The following TTC16 variants were observed in gnomAD, a reference collection of about 807,000 sequenced individuals.
TTC16 encodes the protein tetratricopeptide repeat domain 16.
TTC16 carries 66 observed loss-of-function variants against 80.4 expected under a neutral mutation model. That is an observed-to-expected ratio of 0.82 (90% CI 0.67 to 1.01). The LOEUF is 1.01. Among genes scored for constraint, TTC16 ranks in the 50% least tolerant of loss-of-function variants. The probability of loss-of-function intolerance (pLI) is 0.00; values close to 1 mark genes in which losing one functional copy is unlikely to be tolerated. For missense variants in TTC16, 1,070 were observed against 1,103.2 expected, an observed-to-expected ratio of 0.97 and a Z score of 0.43; for synonymous variants, 438 against 451.3, an observed-to-expected ratio of 0.97 and a Z score of 0.37.
chr9:127,724,940 G>C, intron 9 of TTC16, 43 bp downstream of exon 9: 1 of 1,443,698 alleles, frequency 6.9e-7, no homozygotes, highest in East Asian at 2.6e-5. Context: ...GCAGGCCCGA[G>C]GGCAGGGCGG....
Position 127,731,118 on chromosome 9 carries a change from C to T in TTC16, c.2335C>T (p.Arg779Cys), listed in dbSNP as rs778794717. 19 of 1,611,368 alleles carry T rather than the reference C, an allele frequency of 1.2e-5. No homozygotes were observed. In the Middle Eastern group the frequency reaches 4.9e-4, roughly 42 times the overall value. Residue 779 changes from arginine to cysteine, a missense_variant, in exon 14 of 14, where the codon CGT (arginine) becomes TGT (cysteine). By Grantham distance (180) the Arg-to-Cys change is radical (BLOSUM62 -3). Coordinates refer to ENST00000373289, the MANE Select transcript of TTC16 (RefSeq NM_144965.3). ...GAGGCCCAGAAAGGTCAAGGCTGCTCGTGGCCGGAGCTGGAGACCCAGCAA... is the reference window on the plus strand; with the variant it reads ...GAGGCCCAGAAAGGTCAAGGCTGCTTGTGGCCGGAGCTGGAGACCCAGCAA... The part of the protein sequence containing the change: ...RQRPRKVKAA[R>C]GRSWRPSKVD...
rs779096634 is a variant in TTC16, at chr9:127,717,690, C to T, written c.344C>T (p.Ala115Val). The stretch of plus-strand genomic sequence containing the variant: ...CAGCTCTGTGACTTCTCCTCGGCCG[C>T]CCAGAACCTGCGAAGGGCCTACTCA... ...YLQLCDFSSA[A>V]QNLRRAYSLQ... Residue 115 changes from alanine (A) to valine (V), a missense_variant, in exon 4 of 14, where the codon GCC becomes GTC. Physicochemically the swap from Ala to Val is moderately conservative, Grantham distance 64. Transcript: ENST00000373289. 6.2e-7 allele frequency: 1 copy of T among 1,614,026 alleles called. No individual in the cohort carries two copies. The highest frequency in any genetic ancestry group is 2.2e-5 in the East Asian group (1 of 44,884).
chr9:127,716,656 G>A, intron 1 of TTC16, 188 bp from the exon 2 acceptor site: 1 of 686,256 alleles, frequency 1.5e-6, no homozygotes, highest in Non-Finnish European at 2.4e-6. Flanking sequence ...GGGCAGGACT[G>A]CAGAGGGACA....
chr9:127,726,562 T>TG (rs1288165452), intron 10 of TTC16, among the ~76,000 whole-genome samples, 158 bp downstream of exon 10: 1 of 151,096 alleles, frequency 6.6e-6, no homozygotes, highest in Non-Finnish European at 1.5e-5. Flanking sequence ...CCAAGGCGGG[T>TG]GGATCACTTG....
At chr9:127,724,032 G>A (rs1588441051) in intron 7 of TTC16, 88 bp from the exon 8 acceptor site, 18 of 1,451,178 alleles carry the variant, frequency 1.2e-5, no homozygotes, top group African/African-American at 4.3e-5. Flanking sequence ...GCCCAGAGCC[G>A]GCAGTGGCTT....
rs925709847 is a variant in TTC16, at chr9:127,724,888, A to G, written c.1250A>G (p.Gln417Arg). ...LLQEKMGFCE[Q>R]RRKQFQKAEN... ...CAGGAGAAGATGGGCTTCTGCGAGC[A>G]GAGGCGCAAGTGCGTGGGCTCCCGC... The change falls in exon 9 of 14, where the codon CAG becomes CGG. Residue 417 changes from glutamine to arginine, a missense_variant. Transcript: ENST00000373289. The G allele has an allele frequency of 1.3e-6, 2 of 1,546,694 alleles. No homozygotes were observed. The highest frequency in any genetic ancestry group is 2.0e-5 in the Admixed American group (1 of 49,904).
In TTC16 at chr9:127,721,738, CTG is replaced by C. The variant is rs200689469; in HGVS notation, c.657+1345_657+1346del. ...GTTTTGTTTGAGACAGAGTCTCACTCTGTCACCTAGGCTGGAGTGCAGTGGCG... is the reference window on the plus strand; with the variant it reads ...GTTTTGTTTGAGACAGAGTCTCACTCTCACCTAGGCTGGAGTGCAGTGGCG... On this transcript the variant is annotated intron_variant, in intron 6 of 13. Coordinates refer to ENST00000373289, the MANE Select transcript of TTC16 (RefSeq NM_144965.3). Among the ~76,000 whole-genome samples the C allele has an allele frequency of 2.9e-3, 440 of 152,272 alleles. 12 individuals carry two copies. The East Asian group carries it at 0.065, about 22-fold the overall frequency.
Position 127,723,326 on chromosome 9 carries a change from C to T in TTC16, c.865C>T (p.Leu289Phe). Residue 289 changes from leucine to phenylalanine, a missense_variant, in exon 7 of 14, where the codon CTC becomes TTC. By Grantham distance (22) the Leu-to-Phe change is conservative. Transcript: ENST00000373289. ...CAACCCTCTGGACCCCAGTCTCTTC[C>T]TCTTCCGGTACTGCATGGGAAGGTG... ...ENNPLDPSLFLFRGTMYRRLQ... is the reference protein window; with the variant it reads ...ENNPLDPSLFFFRGTMYRRLQ... The T allele has an allele frequency of 6.2e-7, 1 of 1,612,594 alleles. No individual in the cohort carries two copies. Among genetic ancestry groups the T allele is most frequent in the Non-Finnish European group, 8.5e-7 (1 of 1,179,744 alleles).
chr9:127,724,229 C>T lies in TTC16; in HGVS notation c.982C>T (p.Arg328Cys), dbSNP rs1490553386. ...GGAGGACATGGTGCGGCAGGCACAG[C>T]GCCAGCTGTTGCTGACCTACAACGA... ...DQEDMVRQAQ[R>C]QLLLTYNDFA... Residue 328 changes from arginine to cysteine, a missense_variant, in exon 8 of 14, where the codon CGC (arginine) becomes TGC (cysteine). Physicochemically the swap from Arg to Cys is radical, Grantham distance 180. Coordinates refer to ENST00000373289, the MANE Select transcript of TTC16 (RefSeq NM_144965.3). 3.1e-6 allele frequency: 5 copies of T among 1,613,072 alleles called. No homozygotes were observed. Among genetic ancestry groups the T allele is most frequent in the East Asian group, 2.2e-5 (1 of 44,882 alleles).
At position 127,731,134 on chromosome 9, in the gene TTC16, G is replaced by A. The variant is rs771272723; in HGVS notation, c.2351G>A (p.Arg784Lys). The A allele has an allele frequency of 7.4e-6, 12 of 1,611,956 alleles. 1 individual carries two copies. In the South Asian group the frequency reaches 1.2e-4, roughly 16 times the overall value. Residue 784 changes from arginine to lysine, a missense_variant, in exon 14 of 14, where the codon AGA becomes AAA. Transcript: ENST00000373289. ...AAGGCTGCTCGTGGCCGGAGCTGGA[G>A]ACCCAGCAAGGTTGATGCCACCCAG... ...KVKAARGRSWRPSKVDATQGR... is the reference protein window; with the variant it reads ...KVKAARGRSWKPSKVDATQGR...
Position 127,731,321 on chromosome 9 carries a change from C to T in TTC16, c.2538C>T (p.Ser846=), listed in dbSNP as rs751493302. 1.9e-6 allele frequency: 3 copies of T among 1,612,994 alleles called. No homozygotes were observed. Among genetic ancestry groups the T allele is most frequent in the African/African-American group, 2.7e-5 (2 of 74,940 alleles). ...GKSQGMSSTS[S]KAESTWGPSP... is the part of the protein sequence containing the mutation. ...GCCAGGGCATGAGCTCAACTTCCAG[C>T]AAGGCCGAGTCCACCTGGGGACCCA... Residue 846 remains serine, a synonymous_variant, in exon 14 of 14, where the codon AGC becomes AGT. Transcript: ENST00000373289.
At position 127,721,793 on chromosome 9, in the gene TTC16, G is replaced by A. The variant is rs555468140; in HGVS notation, c.658-1326G>A. On this transcript the variant is annotated intron_variant, in intron 6 of 13. Coordinates refer to ENST00000373289, the MANE Select transcript of TTC16 (RefSeq NM_144965.3). ...ATCTCGGCTCACCACAACCTCTACC[G>A]GGAGGTTCAGGCAATTCTCATGCCT... 9.2e-5 allele frequency among the ~76,000 whole-genome samples: 14 copies of A among 152,064 alleles called. 1 individual carries two copies. Among genetic ancestry groups the A allele is most frequent in the Admixed American group, 7.9e-4 (12 of 15,268 alleles).
At chr9:127,727,214 G>A in intron 11 of TTC16, 56 bp from the exon 12 acceptor site, 1 of 1,530,638 alleles carries the variant, frequency 6.5e-7, no homozygotes, top group Non-Finnish European at 8.8e-7. Context: ...CTAGTCCTTG[G>A]AGAGACCAGC....
At position 127,724,134 on chromosome 9, in the gene TTC16, G is replaced by C. The variant is rs372108767; in HGVS notation, c.887G>C (p.Arg296Pro). 1.2e-6 allele frequency: 2 copies of C among 1,611,412 alleles called. No individual in the cohort carries two copies. The highest frequency in any genetic ancestry group is 1.7e-6 in the Non-Finnish European group (2 of 1,179,142). The change falls in exon 8 of 14, where the codon CGA (arginine) becomes CCA (proline). Residue 296 changes from arginine to proline, a missense_variant. Arg to Pro is a moderately radical substitution (Grantham distance 103). Coordinates refer to ENST00000373289, the MANE Select transcript of TTC16 (RefSeq NM_144965.3). Reference sequence around the variant, plus strand: ...CCCCCCGACAGGGGCACCATGTACCGACGGCTCCAGGAGTTCGATGGGGCA... The same window carrying C: ...CCCCCCGACAGGGGCACCATGTACCCACGGCTCCAGGAGTTCGATGGGGCA... ...SLFLFRGTMY[R>P]RLQEFDGAVE...
chr9:127,716,268 T>G, intron 1 of TTC16, 105 bp downstream of exon 1: 1 of 1,539,576 alleles, frequency 6.5e-7, no homozygotes, highest in Non-Finnish European at 9.0e-7. Flanking sequence ...GGGGCAGCAG[T>G]CCGACTCAGG....
chr9:127,720,698 G>C (rs984022038), intron 6 of TTC16, among the ~76,000 whole-genome samples: 2 of 151,586 alleles, frequency 1.3e-5, no homozygotes, highest in African/African-American at 2.4e-5. Flanking sequence ...CCTGGGGGAG[G>C]TGTCCCTGGG....
chr9:127,723,050 G>A (rs1173659003), intron 6 of TTC16, 69 bp from the exon 7 acceptor site: 233 of 1,534,670 alleles, frequency 1.5e-4, no homozygotes, highest in Non-Finnish European at 2.0e-4. Context: ...CCACCCTGCT[G>A]AAGAAAGGCC....
chr9:127,716,559 GGGAGCTGGGAA>G (rs1843027768), intron 1 of TTC16: 8 of 544,106 alleles, frequency 1.5e-5, no homozygotes, highest in African/African-American at 3.8e-5. Flanking sequence ...AGCCGGAAGT[GGGAGCTGGGAA>G]GGCCCTGGGG....
Position 127,726,369 on chromosome 9 carries a change from G to T in TTC16, c.1390G>T (p.Ala464Ser), listed in dbSNP as rs942146999. 3 of 1,611,420 alleles carry T rather than the reference G, an allele frequency of 1.9e-6. No homozygotes were observed. The highest frequency in any genetic ancestry group is 2.5e-6 in the Non-Finnish European group (3 of 1,178,940). The change falls in exon 10 of 14, where the codon GCC becomes TCC. Residue 464 changes from alanine to serine, a missense_variant. By Grantham distance (99) the Ala-to-Ser change is moderately conservative (BLOSUM62 1). Transcript: ENST00000373289. Reference sequence around the variant, plus strand: ...CATTTTTGGGGCCCGCCAGGATGTGGCCACTGTCCTGCTCCTCAACCCCAA... The same window carrying T: ...CATTTTTGGGGCCCGCCAGGATGTGTCCACTGTCCTGCTCCTCAACCCCAA... ...QNIFGARQDV[A>S]TVLLLNPKQP...
Sources: gnomAD v4.1 joint callset for allele counts (sites outside exome capture counted in the v4.1 genomes callset) on GRCh38, gnomAD v4.1.1 for gene constraint, MANE v1.5 for transcripts, NCBI Gene and HGNC (gene_info 2026-07-23, HGNC 2026-07-21) for gene names.